The following IRAK4 variants were observed in gnomAD, a reference collection of about 807,000 sequenced individuals.
IRAK4 encodes interleukin 1 receptor associated kinase 4.
In IRAK4, 44 loss-of-function variants were observed where a neutral mutation model predicts 51.8. That is an observed-to-expected ratio of 0.85 (90% CI 0.67 to 1.09). The LOEUF (loss-of-function observed/expected upper bound fraction) is 1.09, where lower values mean the gene tolerates loss of function less well. IRAK4 is among the 50% of genes least tolerant of loss of function. The probability of loss-of-function intolerance (pLI) is 0.00; values close to 1 mark genes in which losing one functional copy is unlikely to be tolerated. For synonymous variants in IRAK4, 149 were observed against 174.1 expected (o/e 0.86, Z 1.13); for missense variants, 487 against 538.0 (o/e 0.91, Z 0.94).
intron 5 of IRAK4, 21 bp downstream of exon 5, chr12:43,773,093 TA>T (rs778614597): frequency 3.4e-5 from 55 of 1,609,196 alleles, no homozygotes; most frequent in Admixed American, 5.0e-5. Context: ...TTTTCAGGAA[TA>T]AAAAGAAAGA....
At chr12:43,782,789 AT>A (rs1941894707) in intron 9 of IRAK4, among the ~76,000 whole-genome samples, 1 of 152,176 alleles carries the variant, frequency 6.6e-6, no homozygotes, top group Non-Finnish European at 1.5e-5. Context: ...TTAGTCTCAC[AT>A]TTTTTGACAT....
intron 2 of IRAK4, among the ~76,000 whole-genome samples, chr12:43,770,109 T>C (rs535393307): frequency 3.2e-4 from 48 of 152,342 alleles, no homozygotes; most frequent in African/African-American, 1.1e-3. Context: ...ATAAAATCTT[T>C]AGAGGAAAAA....
At chr12:43,765,514 A>G (rs1247173025) in intron 1 of IRAK4, among the ~76,000 whole-genome samples, 1 of 151,940 alleles carries the variant, frequency 6.6e-6, no homozygotes, top group Non-Finnish European at 1.5e-5. Context: ...AGCAGAATTC[A>G]TGTTGCTGTG....
Position 43,768,235 on chromosome 12 carries a change from C to A in IRAK4, c.124C>A (p.Pro42Thr). 3 of 1,612,748 alleles carry A rather than the reference C, an allele frequency of 1.9e-6. No individual in the cohort carries two copies. The highest frequency in any genetic ancestry group is 2.5e-6 in the Non-Finnish European group (3 of 1,179,104). The change falls in exon 2 of 12, where the codon CCA becomes ACA. Residue 42 changes from proline (P) to threonine (T), a missense_variant. Pro to Thr is a conservative substitution (Grantham distance 38). Coordinates refer to ENST00000613694, the MANE Select transcript of IRAK4 (RefSeq NM_016123.4). ...GAAGTTAGCTGTAGCTATTAAAAAA[C>A]CATCTGGTGATGATAGATACAATCA... ...WKKLAVAIKK[P>T]SGDDRYNQFH...
At chr12:43,775,014 G>A (rs936627982) in intron 6 of IRAK4, among the ~76,000 whole-genome samples, 1 of 152,136 alleles carries the variant, frequency 6.6e-6, no homozygotes, top group Non-Finnish European at 1.5e-5. Context: ...GTTAGAGATG[G>A]GATTGAAATC....
chr12:43,768,279 G>C lies in IRAK4; in HGVS notation c.161+7G>C. The stretch of plus-strand genomic sequence containing the variant: ...ACAATCAGTTTCACATAAGGTAACA[G>C]ATAAAATTCTTTGTATTTTTAAATT... On this transcript the variant is annotated splice_region_variant and intron_variant, in intron 2 of 11. Coordinates refer to ENST00000613694, the MANE Select transcript of IRAK4 (RefSeq NM_016123.4). 1.3e-6 allele frequency: 2 copies of C among 1,596,260 alleles called. No individual in the cohort carries two copies. Among genetic ancestry groups the C allele is most frequent in the South Asian group, 1.1e-5 (1 of 90,274 alleles).
At chr12:43,782,182 A>G in intron 8 of IRAK4, 125 bp from the exon 9 acceptor site, 1 of 656,832 alleles carries the variant, frequency 1.5e-6, no homozygotes, top group Non-Finnish European at 2.7e-6. Flanking sequence ...GTAAATATGT[A>G]TGTACATATG....
At chr12:43,760,454 C>G (rs145042091) in intron 1 of IRAK4, among the ~76,000 whole-genome samples, 1 of 152,346 alleles carries the variant, frequency 6.6e-6, no homozygotes, top group East Asian at 1.9e-4. Flanking sequence ...CTTCCAGCAT[C>G]TACATCTCAC....
At position 43,772,260 on chromosome 12, in the gene IRAK4, A is replaced by T; in HGVS notation, c.388A>T (p.Lys130Ter). 6.2e-7 allele frequency: 1 copy of T among 1,613,848 alleles called. No homozygotes were observed. The highest frequency in any genetic ancestry group is 8.5e-7 in the Non-Finnish European group (1 of 1,179,836). The part of the protein sequence containing the change: ...VQQKQMPFCD[K>*]DRTLMTPVQN... ...GCAAAAACAGATGCCTTTCTGTGAC[A>T]AAGACAGGACATTGATGACACCTGT... The change falls in exon 4 of 12, where the codon AAA becomes TAA. Residue 130 changes from lysine (K) to a stop codon, truncating the protein, a stop_gained. Coordinates refer to ENST00000613694, the MANE Select transcript of IRAK4 (RefSeq NM_016123.4). LOFTEE classifies it high-confidence loss of function.
intron 2 of IRAK4, among the ~76,000 whole-genome samples, chr12:43,769,549 G>A (rs1940530687): frequency 6.6e-6 from 1 of 152,126 alleles, no homozygotes; most frequent in South Asian, 2.1e-4. Context: ...CTACTTGGGA[G>A]GTTGAGGTGG....
At position 43,773,962 on chromosome 12, in the gene IRAK4, C is replaced by T; in HGVS notation, c.652-3C>T. The T allele has an allele frequency of 6.3e-7, 1 of 1,585,220 alleles. No homozygotes were observed. The highest frequency in any genetic ancestry group is 8.7e-7 in the Non-Finnish European group (1 of 1,154,826). ...TATTACATTGTATATTTTATTTTTT[C>T]AGATGGTTGACATTACTACTGAAGA... On this transcript the variant is annotated splice_region_variant and splice_polypyrimidine_tract_variant and intron_variant, in intron 5 of 11. Transcript: ENST00000613694.
At position 43,786,746 on chromosome 12, in the gene IRAK4, A is replaced by G. The variant is rs1565689935; in HGVS notation, c.*31A>G. Reference sequence around the variant, plus strand: ...TATTGGAAAAGACTCTTGACTTTTTATATACACCTATCTCAACCATTTTTT... The same window carrying G: ...TATTGGAAAAGACTCTTGACTTTTTGTATACACCTATCTCAACCATTTTTT... On this transcript the variant is annotated 3_prime_UTR_variant, in exon 12 of 12. Transcript: ENST00000613694. 1.9e-6 allele frequency: 3 copies of G among 1,571,010 alleles called. No homozygotes were observed. Among genetic ancestry groups the G allele is most frequent in the Non-Finnish European group, 1.8e-6 (2 of 1,141,944 alleles).
At chr12:43,786,657 G>GT (rs781179993) in intron 11 of IRAK4, 23 bp from the exon 12 acceptor site, 10 of 1,612,272 alleles carry the variant, frequency 6.2e-6, no homozygotes, top group African/African-American at 4.0e-5. Flanking sequence ...TGGTTCTTTT[G>GT]TTTTTTTCTT....
intron 8 of IRAK4, among the ~76,000 whole-genome samples, chr12:43,780,763 G>T (rs528677142): frequency 2.0e-5 from 3 of 152,006 alleles, no homozygotes; most frequent in African/African-American, 7.2e-5. Context: ...TAGAGATGGG[G>T]TTTCTCCATG....
Position 43,773,052 on chromosome 12 carries a change from G to T in IRAK4, c.631G>T (p.Ala211Ser), listed in dbSNP as rs1445249498. The change falls in exon 5 of 12, where the codon GCA (alanine) becomes TCA (serine). Residue 211 changes from alanine to serine, a missense_variant. Transcript: ENST00000613694. ...YKGYVNNTTVAVKKLAAMVDI... is the reference protein window; with the variant it reads ...YKGYVNNTTVSVKKLAAMVDI... ...AGGCTACGTAAATAACACAACTGTGGCAGTGAAGAAGCTTGCAGCAGTAAG... is the reference window on the plus strand; with the variant it reads ...AGGCTACGTAAATAACACAACTGTGTCAGTGAAGAAGCTTGCAGCAGTAAG... 2 of 1,613,026 alleles carry T rather than the reference G, an allele frequency of 1.2e-6. No individual in the cohort carries two copies. Among genetic ancestry groups the T allele is most frequent in the African/African-American group, 2.7e-5 (2 of 74,898 alleles).
intron 6 of IRAK4, among the ~76,000 whole-genome samples, chr12:43,776,973 T>C (rs1298744613): frequency 6.6e-6 from 1 of 152,236 alleles, no homozygotes; most frequent in Non-Finnish European, 1.5e-5. Context: ...TTCAACGGAC[T>C]TCTTGAAATC....
At chr12:43,761,359 T>C (rs1939533754) in intron 1 of IRAK4, among the ~76,000 whole-genome samples, 1 of 152,212 alleles carries the variant, frequency 6.6e-6, no homozygotes, top group Non-Finnish European at 1.5e-5. Flanking sequence ...ACGCTTTCAG[T>C]AGATCCTCAC....
Position 43,778,211 on chromosome 12 carries a change from T to C in IRAK4, c.850T>C (p.Ser284Pro), listed in dbSNP as rs778616067. 6 of 1,606,340 alleles carry C rather than the reference T, an allele frequency of 3.7e-6. No homozygotes were observed. In the Admixed American group the frequency reaches 8.3e-5, roughly 22 times the overall value. Residue 284 changes from serine to proline, a missense_variant, in exon 8 of 12, where the codon TCT becomes CCT. Coordinates refer to ENST00000613694, the MANE Select transcript of IRAK4 (RefSeq NM_016123.4). ...LSCLDGTPPLSWHMRCKIAQG... is the reference protein window; with the variant it reads ...LSCLDGTPPLPWHMRCKIAQG... ...TTATAAGGATGGTACTCCACCACTT[T>C]CTTGGCACATGAGATGCAAGATTGC...
rs956029289 is a variant in IRAK4 at position 43,762,938 on chromosome 12, G to T, written c.-10+3922G>T. Among the ~76,000 whole-genome samples the T allele has an allele frequency of 3.9e-5, 6 of 152,228 alleles. 1 individual carries two copies. In the South Asian group the frequency reaches 1.2e-3, roughly 32 times the overall value. On this transcript the variant is annotated intron_variant, in intron 1 of 11. Coordinates refer to ENST00000613694, the MANE Select transcript of IRAK4 (RefSeq NM_016123.4). Reference sequence around the variant, plus strand: ...TTCCTTCTTTCTAGATTCAAAAGAGGTTTCTCTCTATTCAAGGCTGATTTC... The same window carrying T: ...TTCCTTCTTTCTAGATTCAAAAGAGTTTTCTCTCTATTCAAGGCTGATTTC...
Sources: gnomAD v4.1 joint callset for allele counts (sites outside exome capture counted in the v4.1 genomes callset) on GRCh38, gnomAD v4.1.1 for gene constraint, MANE v1.5 for transcripts, NCBI Gene and HGNC (gene_info 2026-07-23, HGNC 2026-07-21) for gene names.